DOK6: variants seen among roughly 807,000 people sequenced by gnomAD.
DOK6 encodes the protein docking protein 6.
In DOK6, 22 loss-of-function variants were observed where a neutral mutation model predicts 44.0. That is an observed-to-expected ratio of 0.50 (90% CI 0.36 to 0.71). The LOEUF is 0.71. Ranked by LOEUF, DOK6 falls within the 30% of genes least tolerant of loss-of-function variation. The pLI, the probability that DOK6 is intolerant of heterozygous loss-of-function variation, is 0.00. For synonymous variants in DOK6, 166 were observed against 145.5 expected (o/e 1.14, Z -1.01); for missense variants, 340 against 416.4 (o/e 0.82, Z 1.60).
chr18:69,684,525 G>C (rs147227560), intron 4 of DOK6, among the ~76,000 whole-genome samples: 1 of 152,298 alleles, frequency 6.6e-6, no homozygotes, highest in East Asian at 1.9e-4. Flanking sequence ...GCTTATGGGG[G>C]AGAATACTGA....
intron 1 of DOK6, among the ~76,000 whole-genome samples, chr18:69,493,193 A>G (rs1480623444): frequency 6.6e-6 from 1 of 152,204 alleles, no homozygotes; most frequent in Non-Finnish European, 1.5e-5. Context: ...GCACTTTAAA[A>G]GATTATAAAA....
intron 6 of DOK6, among the ~76,000 whole-genome samples, chr18:69,753,537 C>T (rs1172731835): frequency 6.6e-6 from 1 of 152,192 alleles, no homozygotes; most frequent in African/African-American, 2.4e-5. Flanking sequence ...TTTCTAGATG[C>T]TAACTAACTC....
At chr18:69,694,037 C>T (rs187468907) in intron 4 of DOK6, among the ~76,000 whole-genome samples, 1,181 of 116,976 alleles carry the variant, frequency 0.01, 13 homozygotes, top group Admixed American at 0.037. Flanking sequence ...CCAGCCTGGG[C>T]GACAGAGCGA....
chr18:69,757,612 A>T, intron 6 of DOK6, 144 bp from the exon 7 acceptor site: 1 of 663,624 alleles, frequency 1.5e-6, no homozygotes, highest in South Asian at 1.9e-5. Context: ...ATTTTACTTT[A>T]AAAGTTATCC....
intron 2 of DOK6, among the ~76,000 whole-genome samples, chr18:69,585,767 T>C (rs1181711644): frequency 6.6e-6 from 1 of 152,238 alleles, no homozygotes; most frequent in African/African-American, 2.4e-5. Flanking sequence ...TTGTCCATGA[T>C]TTGAACTTGA....
In DOK6 at chr18:69,638,519, T is replaced by C. The variant is rs139147078; in HGVS notation, c.289+39021T>C. Among the ~76,000 whole-genome samples, 386 of 151,702 alleles carry C rather than the reference T, an allele frequency of 2.5e-3. 1 individual carries two copies. The highest frequency in any genetic ancestry group is 8.9e-3 in the African/African-American group (368 of 41,412). On this transcript the variant is annotated intron_variant, in intron 3 of 7. Coordinates refer to ENST00000382713, the MANE Select transcript of DOK6 (RefSeq NM_152721.6). Reference sequence around the variant, plus strand: ...TTTTTTGTAATATTAGAAAACCACATGTATTTATTTCCAGGCTGAAGTATT... The same window carrying C: ...TTTTTTGTAATATTAGAAAACCACACGTATTTATTTCCAGGCTGAAGTATT...
chr18:69,475,698 G>C (rs1031716312), intron 1 of DOK6, among the ~76,000 whole-genome samples: 2 of 151,922 alleles, frequency 1.3e-5, no homozygotes, highest in African/African-American at 4.8e-5. Flanking sequence ...TAGATATCTT[G>C]AAAAGTCATC....
At chr18:69,619,439 AACC>A (rs1984389061) in intron 3 of DOK6, among the ~76,000 whole-genome samples, 1 of 152,190 alleles carries the variant, frequency 6.6e-6, no homozygotes, top group East Asian at 1.9e-4. Flanking sequence ...GGGTGTCCAG[AACC>A]ATGTTAAGGA....
chr18:69,804,200 A>G (rs895939968), intron 7 of DOK6, among the ~76,000 whole-genome samples: 7 of 152,218 alleles, frequency 4.6e-5, no homozygotes, highest in Admixed American at 3.9e-4. Flanking sequence ...ATTTAGGTTC[A>G]GATGACTTGA....
chr18:69,497,886 A>C (rs1160523311), intron 1 of DOK6, among the ~76,000 whole-genome samples: 1 of 152,184 alleles, frequency 6.6e-6, no homozygotes. Flanking sequence ...CTACGTTGGG[A>C]AGGTGACGTT....
chr18:69,551,380 TGTG>T (rs1982562074), intron 1 of DOK6, among the ~76,000 whole-genome samples: 2 of 152,344 alleles, frequency 1.3e-5, no homozygotes, highest in South Asian at 4.1e-4. Flanking sequence ...ATTTTTGAAA[TGTG>T]GTGTTCTGCA....
intron 6 of DOK6, 37 bp from the exon 7 acceptor site, chr18:69,757,719 T>C: frequency 6.4e-7 from 1 of 1,567,054 alleles, no homozygotes. Flanking sequence ...TTTAATATTT[T>C]AAAACGAGGC....
At position 69,809,565 on chromosome 18, in the gene DOK6, G is replaced by GACACAC. The variant is rs57753226; in HGVS notation, c.857-31653_857-31648dup. On this transcript the variant is annotated intron_variant, in intron 7 of 7. Coordinates refer to ENST00000382713, the MANE Select transcript of DOK6 (RefSeq NM_152721.6). Reference sequence around the variant, plus strand: ...AAAACCCTAAGACTTCACACACACAGACACACACACACACACACACACACA... The same window carrying GACACAC: ...AAAACCCTAAGACTTCACACACACAGACACACACACACACACACACACACACACACA... Among the ~76,000 whole-genome samples, 1,182 of 146,216 alleles carry GACACAC rather than the reference G, an allele frequency of 8.1e-3. 20 individuals are homozygous for GACACAC. Among genetic ancestry groups the GACACAC allele is most frequent in the African/African-American group, 0.028 (1,102 of 39,652 alleles).
intron 1 of DOK6, among the ~76,000 whole-genome samples, chr18:69,539,935 G>A (rs1055917318): frequency 1.3e-5 from 2 of 152,142 alleles, no homozygotes; most frequent in African/African-American, 4.8e-5. Context: ...TGGCTGGGGA[G>A]ACCTCAGGAA....
At chr18:69,479,537 G>A (rs1396002523) in intron 1 of DOK6, among the ~76,000 whole-genome samples, 1 of 152,016 alleles carries the variant, frequency 6.6e-6, no homozygotes, top group Non-Finnish European at 1.5e-5. Flanking sequence ...ATGTGCTTTC[G>A]GTAATATGGT....
At chr18:69,660,044 T>C (rs1158199193) in intron 3 of DOK6, 4 of 151,480 alleles carry the variant, frequency 2.6e-5, no homozygotes, top group Admixed American at 2.6e-4. Flanking sequence ...CTTCCTAGCT[T>C]TACAATAAGA....
intron 1 of DOK6, among the ~76,000 whole-genome samples, chr18:69,505,882 C>T (rs1308924702): frequency 6.6e-6 from 1 of 151,092 alleles, no homozygotes; most frequent in Non-Finnish European, 1.5e-5. Context: ...CACCAAAATA[C>T]TAGCAAAATT....
In DOK6 at chr18:69,517,151, T is replaced by A. The variant is rs115795145; in HGVS notation, c.67-47336T>A. On this transcript the variant is annotated intron_variant, in intron 1 of 7. Transcript: ENST00000382713. ...GGAGATTCTTGGTCAATAAGTGAGA[T>A]GTTAAAATACTCTCTGAAGACCCCT... Among the ~76,000 whole-genome samples, 255 of 152,326 alleles carry A rather than the reference T, an allele frequency of 1.7e-3. 1 individual carries two copies. Among genetic ancestry groups the A allele is most frequent in the African/African-American group, 5.8e-3 (241 of 41,580 alleles).
intron 7 of DOK6, among the ~76,000 whole-genome samples, chr18:69,819,519 G>A (rs778614813): frequency 2.6e-5 from 4 of 152,074 alleles, no homozygotes; most frequent in Non-Finnish European, 5.9e-5. Context: ...CTTTCTAACT[G>A]TGGTAAGAAC....
Sources: gnomAD v4.1 joint callset for allele counts (sites outside exome capture counted in the v4.1 genomes callset) on GRCh38, gnomAD v4.1.1 for gene constraint, MANE v1.5 for transcripts, NCBI Gene and HGNC (gene_info 2026-07-23, HGNC 2026-07-21) for gene names.